The following TET1 variants were observed in gnomAD, a reference collection of about 807,000 sequenced individuals.
TET1 encodes the protein tet methylcytosine dioxygenase 1.
A neutral mutation model predicts 148.7 loss-of-function variants in TET1; 13 were observed. The observed-to-expected ratio is 0.09, with a 90% CI of 0.06 to 0.14. The LOEUF is 0.14. Among genes scored for constraint, TET1 ranks in the 10% least tolerant of loss-of-function variants. The probability of loss-of-function intolerance (pLI) is 1.00; values close to 1 mark genes in which losing one functional copy is unlikely to be tolerated. For synonymous variants in TET1, 907 were observed against 937.2 expected, an observed-to-expected ratio of 0.97 and a Z score of 0.59; for missense variants, 2,182 against 2,553.8, an observed-to-expected ratio of 0.85 and a Z score of 3.14.
intron 8 of TET1, 87 bp from the exon 9 acceptor site, chr10:68,681,312 C>A: frequency 1.3e-6 from 1 of 766,366 alleles, no homozygotes; most frequent in Non-Finnish European, 2.2e-6. Context: ...GCATTAACCA[C>A]CATCAGCCAT....
At chr10:68,672,537 C>T (rs1245266373) in intron 7 of TET1, among the ~76,000 whole-genome samples, 1 of 140,106 alleles carries the variant, frequency 7.1e-6, no homozygotes, top group African/African-American at 2.6e-5. Flanking sequence ...AAAGAAAAAC[C>T]CAGGTTCTTT....
At chr10:68,593,020 G>A (rs1170747308) in intron 2 of TET1, among the ~76,000 whole-genome samples, 1 of 151,924 alleles carries the variant, frequency 6.6e-6, no homozygotes, top group Non-Finnish European at 1.5e-5. Flanking sequence ...TGGATCACGA[G>A]GTCAAGAGAT....
chr10:68,622,481 G>A (rs1327483378), intron 3 of TET1, among the ~76,000 whole-genome samples: 4 of 151,914 alleles, frequency 2.6e-5, no homozygotes, highest in African/African-American at 9.7e-5. Flanking sequence ...CGCCAGGCTG[G>A]TCTGGAACTC....
At chr10:68,569,166 C>CTTTTTTTTTTTTTTTTTTTTTTTTTTTT (rs34385747) in intron 1 of TET1, among the ~76,000 whole-genome samples, 2 of 69,778 alleles carry the variant, frequency 2.9e-5, no homozygotes, top group Non-Finnish European at 2.6e-5. Flanking sequence ...AGGAGAGTTT[C>CTTTTTTTTTTTTTTTTTTTTTTTTTTTT]TTTTTTTTTT....
chr10:68,572,853 T>C lies in TET1; in HGVS notation c.515T>C (p.Leu172Pro), dbSNP rs748302509. 6.2e-7 allele frequency: 1 copy of C among 1,614,178 alleles called. No homozygotes were observed. The highest frequency in any genetic ancestry group is 8.5e-7 in the Non-Finnish European group (1 of 1,180,034). Reference protein sequence around the residue: ...DTQVLPDIETLIGVQNPSLLK... With the variant: ...DTQVLPDIETPIGVQNPSLLK... ...CAAGTCCTTCCTGATATAGAGACTC[T>C]AATTGGTGTACAAAATCCCTCTTTA... is the stretch of plus-strand genomic sequence containing the variant. The change falls in exon 2 of 12, where the codon CTA (leucine) becomes CCA (proline). Residue 172 changes from leucine (L) to proline (P), a missense_variant. Physicochemically the swap from Leu to Pro is moderately conservative, Grantham distance 98 (BLOSUM62 -3). Transcript: ENST00000373644.
chr10:68,665,409 C>T (rs2055184100), intron 6 of TET1, among the ~76,000 whole-genome samples: 1 of 152,022 alleles, frequency 6.6e-6, no homozygotes, highest in African/African-American at 2.4e-5. Context: ...AATTTATACT[C>T]CTCTGCATAT....
intron 3 of TET1, among the ~76,000 whole-genome samples, chr10:68,622,177 C>CCTTCCTTCCTTT (rs2132974444): frequency 1.1e-5 from 1 of 92,724 alleles, no homozygotes; most frequent in African/African-American, 5.1e-5. Flanking sequence ...TTCCTTCCTT[C>CCTTCCTTCCTTT]CTTCCTTCCT....
intron 2 of TET1, among the ~76,000 whole-genome samples, chr10:68,581,671 G>C (rs748171393): frequency 6.6e-6 from 1 of 151,930 alleles, no homozygotes; most frequent in African/African-American, 2.4e-5. Flanking sequence ...GTGAAACCCC[G>C]TTTCTCCAAA....
Position 68,645,811 on chromosome 10 carries a change from C to T in TET1, c.3082C>T (p.Leu1028Phe). ...NKSIAQGIIT[L>F]DNCSNDLHQL... Reference sequence around the variant, plus strand: ...AAGTATTGCTCAAGGGATAATTACTCTTGACAATTGTTCCAATGATTTGCA... The same window carrying T: ...AAGTATTGCTCAAGGGATAATTACTTTTGACAATTGTTCCAATGATTTGCA... Residue 1028 changes from leucine (L) to phenylalanine (F), a missense_variant, in exon 4 of 12, where the codon CTT (leucine) becomes TTT (phenylalanine). Coordinates refer to ENST00000373644, the MANE Select transcript of TET1 (RefSeq NM_030625.3). 1 of 1,614,062 alleles carries T rather than the reference C, an allele frequency of 6.2e-7. No homozygotes were observed. The highest frequency in any genetic ancestry group is 8.5e-7 in the Non-Finnish European group (1 of 1,179,966).
At chr10:68,606,249 C>T (rs922081098) in intron 3 of TET1, among the ~76,000 whole-genome samples, 1 of 152,036 alleles carries the variant, frequency 6.6e-6, no homozygotes, top group Non-Finnish European at 1.5e-5. Context: ...TGCCTGTAAT[C>T]GCAGCTAATT....
At chr10:68,584,537 C>A (rs1014972984) in intron 2 of TET1, among the ~76,000 whole-genome samples, 1 of 150,998 alleles carries the variant, frequency 6.6e-6, no homozygotes, top group Non-Finnish European at 1.5e-5. Context: ...GGTTAAACCC[C>A]GTCTCTACGA....
chr10:68,617,865 C>G (rs1465875218), intron 3 of TET1, among the ~76,000 whole-genome samples: 1 of 152,054 alleles, frequency 6.6e-6, no homozygotes, highest in Admixed American at 6.6e-5. Flanking sequence ...TATTTTTAAC[C>G]CAAACATTTT....
At chr10:68,652,697 T>A in intron 6 of TET1, 103 bp downstream of exon 6, 1 of 811,504 alleles carries the variant, frequency 1.2e-6, no homozygotes, top group Non-Finnish European at 1.8e-6. Context: ...TTTATTCATT[T>A]ATTTATTTAA....
intron 3 of TET1, among the ~76,000 whole-genome samples, chr10:68,602,935 A>G (rs570143535): frequency 6.6e-6 from 1 of 152,232 alleles, no homozygotes; most frequent in African/African-American, 2.4e-5. Flanking sequence ...GCTAAAAAAA[A>G]CTTTCAGATT....
At chr10:68,688,327 A>G (rs1305588713) in intron 11 of TET1, among the ~76,000 whole-genome samples, 1 of 150,820 alleles carries the variant, frequency 6.6e-6, no homozygotes, top group Non-Finnish European at 1.5e-5. Flanking sequence ...CAAACTCCTG[A>G]CCTCAAGTGA....
intron 3 of TET1, among the ~76,000 whole-genome samples, chr10:68,636,544 G>A (rs2054652726): frequency 6.6e-6 from 1 of 152,178 alleles, no homozygotes; most frequent in African/African-American, 2.4e-5. Flanking sequence ...AACAGAGTGA[G>A]ACCTTGTCTC....
At chr10:68,618,358 A>T (rs2054325309) in intron 3 of TET1, among the ~76,000 whole-genome samples, 1 of 152,170 alleles carries the variant, frequency 6.6e-6, no homozygotes, top group Non-Finnish European at 1.5e-5. Context: ...TTAGGGAATG[A>T]GGCTAACTAG....
intron 3 of TET1, among the ~76,000 whole-genome samples, chr10:68,615,931 G>A (rs1362969508): frequency 1.3e-5 from 2 of 152,224 alleles, no homozygotes; most frequent in Admixed American, 6.5e-5. Flanking sequence ...ACAGGCATAA[G>A]CCACCACGTC....
chr10:68,649,942 A>G (rs1246237108), intron 4 of TET1, among the ~76,000 whole-genome samples: 1 of 152,200 alleles, frequency 6.6e-6, no homozygotes, highest in African/African-American at 2.4e-5. Context: ...AAAGGCACTT[A>G]AAGACAGAGA....
Sources: allele counts gnomAD v4.1 joint callset (sites outside exome capture counted in the v4.1 genomes callset), GRCh38; gene constraint gnomAD v4.1.1; transcripts MANE v1.5; gene names NCBI Gene and HGNC (gene_info 2026-07-23, HGNC 2026-07-21).